NTN4: variants seen among roughly 807,000 people sequenced by gnomAD.
NTN4 encodes netrin 4.
NTN4 carries 32 observed loss-of-function variants against 73.6 expected under a neutral mutation model. The observed-to-expected ratio is 0.44, with a 90% CI of 0.33 to 0.58. The LOEUF (loss-of-function observed/expected upper bound fraction) is 0.58, where lower values mean the gene tolerates loss of function less well. Among genes scored for constraint, NTN4 ranks in the 20% least tolerant of loss-of-function variants. NTN4 has a pLI of 0.04. For missense variants in NTN4, 654 were observed against 798.3 expected, an observed-to-expected ratio of 0.82 and a Z score of 2.18; for synonymous variants, 258 against 287.5, an observed-to-expected ratio of 0.90 and a Z score of 1.04.
At chr12:95,676,442 T>A (rs1387911662) in intron 7 of NTN4, among the ~76,000 whole-genome samples, 2 of 152,008 alleles carry the variant, frequency 1.3e-5, no homozygotes, top group Admixed American at 1.3e-4. Context: ...AAAACCCTGA[T>A]GTTTGAACAA....
At chr12:95,721,308 T>A (rs1339746889) in intron 3 of NTN4, among the ~76,000 whole-genome samples, 1 of 152,178 alleles carries the variant, frequency 6.6e-6, no homozygotes, top group Non-Finnish European at 1.5e-5. Context: ...TCTATTCCTC[T>A]GGAAGAAGCC....
At chr12:95,722,812 G>A (rs931274407) in intron 3 of NTN4, among the ~76,000 whole-genome samples, 3 of 151,328 alleles carry the variant, frequency 2.0e-5, no homozygotes, top group African/African-American at 4.9e-5. Flanking sequence ...CTGTCTCTAC[G>A]AAAAATAATA....
At chr12:95,697,914 T>C (rs1303621838) in intron 5 of NTN4, among the ~76,000 whole-genome samples, 1 of 152,200 alleles carries the variant, frequency 6.6e-6, no homozygotes, top group Non-Finnish European at 1.5e-5. Flanking sequence ...CAACCCACTG[T>C]GGATCAAAAA....
intron 3 of NTN4, among the ~76,000 whole-genome samples, chr12:95,736,593 G>A (rs761544261): frequency 6.6e-6 from 1 of 152,250 alleles, no homozygotes; most frequent in East Asian, 1.9e-4. Flanking sequence ...AATCCTACCT[G>A]AACCCAGTTA....
intron 3 of NTN4, among the ~76,000 whole-genome samples, chr12:95,714,605 C>T (rs1041746359): frequency 6.6e-6 from 1 of 152,018 alleles, no homozygotes; most frequent in African/African-American, 2.4e-5. Flanking sequence ...AACAGATAAA[C>T]AAGACAATAA....
chr12:95,780,157 G>T (rs1417082225), intron 2 of NTN4, among the ~76,000 whole-genome samples: 4 of 152,014 alleles, frequency 2.6e-5, no homozygotes, highest in Non-Finnish European at 5.9e-5. Context: ...ATTCAAGATG[G>T]ATTAAAGACT....
chr12:95,781,194 C>T lies in NTN4; in HGVS notation c.585+5745G>A, dbSNP rs1030684215. ...GGGAGGGATAGCATTAAGAGATATA[C>T]CTTATGTAAATGACGAGTTAATGGG... is the stretch of plus-strand genomic sequence containing the variant. On this transcript the variant is annotated intron_variant, in intron 2 of 9. Transcript: ENST00000343702. The surrounding 1 kb of genome is among the most constrained non-coding windows in gnomAD (Gnocchi z 4.1). 6.6e-6 allele frequency among the ~76,000 whole-genome samples: 1 copy of T among 152,158 alleles called. No homozygotes were observed. Among genetic ancestry groups the T allele is most frequent in the African/African-American group, 2.4e-5 (1 of 41,426 alleles).
chr12:95,711,967 T>C (rs1048126034), intron 4 of NTN4, among the ~76,000 whole-genome samples: 3 of 152,206 alleles, frequency 2.0e-5, no homozygotes, highest in Non-Finnish European at 4.4e-5. Context: ...CTTTTAAAAG[T>C]ATATTACAAG....
chr12:95,721,461 T>G (rs1184655545), intron 3 of NTN4, among the ~76,000 whole-genome samples: 5 of 152,204 alleles, frequency 3.3e-5, no homozygotes. Context: ...GCACTGGAGA[T>G]TCTGATGCCT....
intron 2 of NTN4, among the ~76,000 whole-genome samples, chr12:95,757,744 T>C (rs1324132435): frequency 6.8e-6 from 1 of 146,018 alleles, no homozygotes; most frequent in African/African-American, 2.5e-5. Flanking sequence ...TTCATTATCA[T>C]AGAAGCCCAA....
At chr12:95,741,200 C>A (rs1379435826) in intron 2 of NTN4, among the ~76,000 whole-genome samples, 2 of 151,182 alleles carry the variant, frequency 1.3e-5, no homozygotes, top group African/African-American at 2.4e-5. Flanking sequence ...ACTTCCAAGA[C>A]CCCCAAGGGA....
chr12:95,770,946 T>C (rs12578869), intron 2 of NTN4, among the ~76,000 whole-genome samples: 92,860 of 151,262 alleles, frequency 0.61, 29,236 homozygotes, highest in South Asian at 0.78. Flanking sequence ...TGTTGTTCTG[T>C]TTTTGTTTGC....
chr12:95,690,596 C>G (rs2078394825), intron 5 of NTN4, among the ~76,000 whole-genome samples: 1 of 151,450 alleles, frequency 6.6e-6, no homozygotes. Context: ...TGGTTTGTTT[C>G]TAATTAAGAA....
chr12:95,737,361 G>A (rs2078786097), intron 3 of NTN4, among the ~76,000 whole-genome samples: 1 of 152,094 alleles, frequency 6.6e-6, no homozygotes, highest in African/African-American at 2.4e-5. Context: ...CAGGAGATGT[G>A]TGAACCTAGA....
chr12:95,691,484 C>T (rs1318118995), intron 5 of NTN4, among the ~76,000 whole-genome samples: 1 of 152,204 alleles, frequency 6.6e-6, no homozygotes, highest in Non-Finnish European at 1.5e-5. Context: ...CAACCTCCGC[C>T]TCCCAGGTTC....
At chr12:95,785,820 G>C (rs73369348) in intron 2 of NTN4, among the ~76,000 whole-genome samples, 1 of 152,036 alleles carries the variant, frequency 6.6e-6, no homozygotes, top group Non-Finnish European at 1.5e-5. Flanking sequence ...CTGTAGCCAT[G>C]GTGATCCATG....
intron 2 of NTN4, among the ~76,000 whole-genome samples, chr12:95,741,706 A>C (rs1273900672): frequency 6.7e-6 from 1 of 150,326 alleles, no homozygotes; most frequent in Non-Finnish European, 1.5e-5. Context: ...ACAAATAATA[A>C]AATAGAACAA....
At chr12:95,698,856 C>A (rs1372056993) in intron 5 of NTN4, among the ~76,000 whole-genome samples, 6 of 147,716 alleles carry the variant, frequency 4.1e-5, no homozygotes, top group African/African-American at 5.0e-5. Flanking sequence ...GACTCTGCCT[C>A]AAAAAAAAAA....
chr12:95,741,182 C>T (rs997832929), intron 2 of NTN4, among the ~76,000 whole-genome samples: 6 of 151,364 alleles, frequency 4.0e-5, no homozygotes, highest in South Asian at 4.2e-4. Context: ...CCTTATCCTC[C>T]GGGAATGACT....
Sources: allele counts gnomAD v4.1 joint callset (sites outside exome capture counted in the v4.1 genomes callset), GRCh38; gene constraint gnomAD v4.1.1; non-coding constraint Gnocchi (gnomAD v3.1); transcripts MANE v1.5; gene names NCBI Gene and HGNC (gene_info 2026-07-23, HGNC 2026-07-21).